Variants in ZFAND3 observed in about 807,000 individuals in gnomAD.
The protein encoded by ZFAND3 is zinc finger AN1-type containing 3.
A neutral mutation model predicts 29.6 loss-of-function variants in ZFAND3; 10 were observed. The observed-to-expected ratio is 0.34, with a 90% CI of 0.21 to 0.57. ZFAND3 has a LOEUF of 0.57. Ranked by LOEUF, ZFAND3 falls within the 20% of genes least tolerant of loss-of-function variation. The pLI is 0.86. For synonymous variants in ZFAND3, 128 were observed against 112.6 expected, an observed-to-expected ratio of 1.14 and a Z score of -0.87; for missense variants, 230 against 304.5, an observed-to-expected ratio of 0.76 and a Z score of 1.82.
chr6:38,024,498 G>A (rs76379664), intron 2 of ZFAND3, among the ~76,000 whole-genome samples: 13,336 of 150,168 alleles, frequency 0.089, 769 homozygotes, highest in East Asian at 0.29. Flanking sequence ...GTACCTAAAC[G>A]TGCATGTTTG....
intron 2 of ZFAND3, among the ~76,000 whole-genome samples, chr6:38,045,453 A>G (rs909094456): frequency 1.3e-5 from 2 of 152,184 alleles, no homozygotes; most frequent in African/African-American, 4.8e-5. Context: ...TTGCCTTGAA[A>G]GATAAAATGA....
intron 2 of ZFAND3, among the ~76,000 whole-genome samples, chr6:37,994,733 T>C (rs1762820647): frequency 6.6e-6 from 1 of 152,220 alleles, no homozygotes. Context: ...TTTGTTTTAT[T>C]TTGTGGCTCA....
intron 2 of ZFAND3, among the ~76,000 whole-genome samples, chr6:37,954,929 C>T (rs562612718): frequency 6.6e-6 from 1 of 152,332 alleles, no homozygotes; most frequent in South Asian, 2.1e-4. Context: ...CATTCCCTGG[C>T]CTTGTGTGAG....
rs369830974 is a variant in ZFAND3, at chr6:38,023,784, C to T, written c.113-37809C>T. On this transcript the variant is annotated intron_variant, in intron 2 of 5. Transcript: ENST00000287218. ...TGTATAATAATTTAAGTGGTATTTC[C>T]GCTTCCTTACTCAGTTTAGTCTCTG... Among the ~76,000 whole-genome samples the T allele has an allele frequency of 7.9e-5, 12 of 152,306 alleles. No individual in the cohort carries two copies. In the South Asian group the frequency reaches 8.3e-4, roughly 11 times the overall value.
chr6:38,103,078 A>G (rs1388991632), intron 4 of ZFAND3, among the ~76,000 whole-genome samples: 1 of 152,122 alleles, frequency 6.6e-6, no homozygotes, highest in African/African-American at 2.4e-5. Flanking sequence ...TTCTAAATGA[A>G]TGTTCTAAGA....
intron 1 of ZFAND3, among the ~76,000 whole-genome samples, chr6:37,902,718 A>C (rs1341220450): frequency 6.8e-6 from 1 of 148,060 alleles, no homozygotes; most frequent in Non-Finnish European, 1.5e-5. Flanking sequence ...GAGATGCAGC[A>C]GCAAGCTTCT....
intron 3 of ZFAND3, among the ~76,000 whole-genome samples, chr6:38,068,706 T>C (rs949194785): frequency 6.6e-6 from 1 of 152,210 alleles, no homozygotes; most frequent in Non-Finnish European, 1.5e-5. Context: ...GACATACTTT[T>C]GTTGTAGTAA....
At chr6:37,838,386 A>G (rs1225029847) in intron 1 of ZFAND3, among the ~76,000 whole-genome samples, 1 of 152,220 alleles carries the variant, frequency 6.6e-6, no homozygotes, top group Non-Finnish European at 1.5e-5. Context: ...TCACAAAGTT[A>G]TGCAACCATC....
intron 2 of ZFAND3, among the ~76,000 whole-genome samples, chr6:37,990,561 A>G (rs1035151716): frequency 1.2e-4 from 18 of 152,230 alleles, no homozygotes; most frequent in Non-Finnish European, 2.5e-4. Context: ...TATGTAACAT[A>G]ATTTTAAAAC....
At position 38,041,767 on chromosome 6, in the gene ZFAND3, TCCTCCTCCTCCTCC is replaced by T. The variant is rs1763784182; in HGVS notation, c.113-19825_113-19812del. On this transcript the variant is annotated intron_variant, in intron 2 of 5. Coordinates refer to ENST00000287218, the MANE Select transcript of ZFAND3 (RefSeq NM_021943.3). ...CTCCTCCTCCTCCTCCTCCTCCTCC[TCCTCCTCCTCCTCC>T]TCTTCTTTCTTCTTCTTCTCCTCTT... Among the ~76,000 whole-genome samples, 25 of 2,568 alleles carry T rather than the reference TCCTCCTCCTCCTCC, an allele frequency of 9.7e-3. 9 individuals are homozygous for T. The highest frequency in any genetic ancestry group is 0.01 in the African/African-American group (22 of 2,128). The allele number at this position is 2,568 out of a possible 152,430, so 1.7% of individuals were successfully genotyped here.
chr6:37,945,444 G>A (rs1761884826), intron 2 of ZFAND3, among the ~76,000 whole-genome samples: 1 of 152,152 alleles, frequency 6.6e-6, no homozygotes, highest in South Asian at 2.1e-4. Context: ...CTCCCAGGGT[G>A]GATTGCAGTG....
At chr6:38,135,876 C>CAGGG (rs1442722649) in intron 5 of ZFAND3, among the ~76,000 whole-genome samples, 2 of 152,186 alleles carry the variant, frequency 1.3e-5, no homozygotes, top group Non-Finnish European at 2.9e-5. Context: ...CTTGAGCCTG[C>CAGGG]AGTCCAGAAG....
chr6:38,023,559 T>C (rs899306192), intron 2 of ZFAND3, among the ~76,000 whole-genome samples: 1 of 152,208 alleles, frequency 6.6e-6, no homozygotes, highest in African/African-American at 2.4e-5. Context: ...TTTGAAAGTT[T>C]TAGAATCTAG....
At chr6:37,880,040 A>G (rs147163626) in intron 1 of ZFAND3, among the ~76,000 whole-genome samples, 13 of 152,320 alleles carry the variant, frequency 8.5e-5, no homozygotes, top group African/African-American at 2.6e-4. Context: ...TTTTGTTCAG[A>G]TAAGAGAGGT....
intron 2 of ZFAND3, among the ~76,000 whole-genome samples, chr6:38,007,212 A>AT (rs1218705362): frequency 6.6e-6 from 1 of 152,188 alleles, no homozygotes; most frequent in Admixed American, 6.5e-5. Flanking sequence ...TGTCCTTCTC[A>AT]TTTAACTATA....
intron 2 of ZFAND3, among the ~76,000 whole-genome samples, chr6:37,999,166 C>T (rs1168150141): frequency 6.6e-6 from 1 of 152,126 alleles, no homozygotes; most frequent in African/African-American, 2.4e-5. Flanking sequence ...GACACAGGAG[C>T]CAGCTGAAGA....
At chr6:38,119,351 C>G (rs1765484507) in intron 5 of ZFAND3, among the ~76,000 whole-genome samples, 1 of 152,192 alleles carries the variant, frequency 6.6e-6, no homozygotes, top group Admixed American at 6.5e-5. Flanking sequence ...CAGTAATTTA[C>G]TACTGAAAGT....
At chr6:38,035,405 C>G (rs780129053) in intron 2 of ZFAND3, among the ~76,000 whole-genome samples, 21 of 152,198 alleles carry the variant, frequency 1.4e-4, no homozygotes, top group Non-Finnish European at 2.4e-4. Flanking sequence ...CTCACGGTTT[C>G]TAAGCAACCA....
intron 1 of ZFAND3, among the ~76,000 whole-genome samples, chr6:37,874,934 A>G (rs1764765514): frequency 6.6e-6 from 1 of 152,228 alleles, no homozygotes; most frequent in Admixed American, 6.5e-5. Flanking sequence ...AGACTTTATC[A>G]GCTGGCTGCA....
Sources: allele counts gnomAD v4.1 joint callset (sites outside exome capture counted in the v4.1 genomes callset), GRCh38; gene constraint gnomAD v4.1.1; transcripts MANE v1.5; gene names NCBI Gene and HGNC (gene_info 2026-07-23, HGNC 2026-07-21).